Variants in CRYL1 observed in about 807,000 individuals in gnomAD.
CRYL1 encodes the protein crystallin lambda 1.
CRYL1 carries 29 observed loss-of-function variants against 36.6 expected under a neutral mutation model. The observed-to-expected ratio is 0.79, with a 90% CI of 0.59 to 1.08. The LOEUF (loss-of-function observed/expected upper bound fraction) is 1.08. Ranked by LOEUF, CRYL1 falls within the 50% of genes least tolerant of loss-of-function variation. CRYL1 has a pLI of 0.00. For synonymous variants in CRYL1, 152 were observed against 151.5 expected (o/e 1.00, Z -0.02); for missense variants, 411 against 407.9 (o/e 1.01, Z -0.06).
At chr13:20,423,561 T>G (rs2031865980) in intron 5 of CRYL1, among the ~76,000 whole-genome samples, 2 of 152,182 alleles carry the variant, frequency 1.3e-5, no homozygotes, top group Non-Finnish European at 2.9e-5. Flanking sequence ...CATATCACAT[T>G]TATAGATTTG....
chr13:20,500,031 G>A (rs2033676546), intron 2 of CRYL1, among the ~76,000 whole-genome samples: 1 of 152,196 alleles, frequency 6.6e-6, no homozygotes, highest in South Asian at 2.1e-4. Context: ...TTCGGAGATT[G>A]TGCCATTGGA....
rs774290659 is a variant in CRYL1 at position 20,432,288 on chromosome 13, C to T, written c.447G>A (p.Pro149=). The change falls in exon 5 of 8, where the codon CCG becomes CCA. Residue 149 remains proline, a synonymous_variant. Coordinates refer to ENST00000298248, the MANE Select transcript of CRYL1 (RefSeq NM_015974.3). ...GCTCAACCAGCGGGATGTAGTATGGCGGATTCACCTTAGGAGAGAGAGAGA... is the reference window on the plus strand; with the variant it reads ...GCTCAACCAGCGGGATGTAGTATGGTGGATTCACCTTAGGAGAGAGAGAGA... The part of the protein sequence containing the change: ...KQCIVAHPVN[P]PYYIPLVELV... 73 of 1,610,260 alleles carry T rather than the reference C, an allele frequency of 4.5e-5. No homozygotes were observed. The Middle Eastern group carries it at 9.9e-4, about 22-fold the overall frequency.
Position 20,525,842 on chromosome 13 carries a change from C to A in CRYL1, c.-48G>T. ...CGCGGGCGCTGGGACCAGGCGCCGG[C>A]GGAGCTGCGAGCTCTGGGCTCCGGG... On this transcript the variant is annotated 5_prime_UTR_variant, in exon 1 of 8. Transcript: ENST00000298248. This position sits in a 1 kb window ranked among gnomAD's most constrained non-coding sequence, Gnocchi z 4.3. 2 of 1,205,292 alleles carry A rather than the reference C, an allele frequency of 1.7e-6. No homozygotes were observed. The highest frequency in any genetic ancestry group is 2.1e-6 in the Non-Finnish European group (2 of 968,900). The allele number at this position is 1,205,292 out of a possible 1,614,324, so 74.7% of individuals were successfully genotyped here. A position where few individuals can be genotyped will look rare whatever the true frequency, so the allele number is the denominator to read the frequency against.
At chr13:20,521,432 C>T (rs888426805) in intron 1 of CRYL1, among the ~76,000 whole-genome samples, 28 of 152,242 alleles carry the variant, frequency 1.8e-4, no homozygotes, top group African/African-American at 5.5e-4. Flanking sequence ...GTTTCTGTTT[C>T]AGGTTTCCCT....
intron 6 of CRYL1, chr13:20,405,860 C>T (rs1328389798): frequency 4.6e-5 from 7 of 152,388 alleles, no homozygotes; most frequent in African/African-American, 1.4e-4. Flanking sequence ...ACGGCCCCCA[C>T]CCAGCACTGG....
intron 5 of CRYL1, among the ~76,000 whole-genome samples, chr13:20,424,525 C>T (rs886415427): frequency 6.6e-5 from 10 of 152,136 alleles, no homozygotes; most frequent in South Asian, 6.2e-4. Context: ...GCCAGCTGAG[C>T]GAAGGGACAA....
At chr13:20,446,150 C>A (rs965096026) in intron 3 of CRYL1, among the ~76,000 whole-genome samples, 1 of 152,268 alleles carries the variant, frequency 6.6e-6, no homozygotes, top group East Asian at 1.9e-4. Context: ...CCTGCCCTGT[C>A]GCCCAGGCTG....
At chr13:20,490,441 C>G (rs2033487811) in intron 2 of CRYL1, among the ~76,000 whole-genome samples, 1 of 151,868 alleles carries the variant, frequency 6.6e-6, no homozygotes, top group Non-Finnish European at 1.5e-5. Flanking sequence ...CTGCCAGGGG[C>G]TGGAGGTTGA....
intron 3 of CRYL1, among the ~76,000 whole-genome samples, chr13:20,462,530 T>C (rs2032851839): frequency 6.8e-6 from 1 of 148,044 alleles, no homozygotes; most frequent in African/African-American, 2.5e-5. Flanking sequence ...ACAAGCCATT[T>C]AGCAGCCTGC....
intron 6 of CRYL1, among the ~76,000 whole-genome samples, chr13:20,407,933 C>G (rs552188088): frequency 1.3e-5 from 2 of 152,236 alleles, no homozygotes; most frequent in Non-Finnish European, 2.9e-5. Context: ...AACCCCAGCC[C>G]GAGGCCACAG....
intron 1 of CRYL1, among the ~76,000 whole-genome samples, chr13:20,513,040 A>G (rs369903146): frequency 1.3e-5 from 2 of 152,348 alleles, no homozygotes; most frequent in South Asian, 2.1e-4. Context: ...GTAACAAAAT[A>G]TCACAGGTAC....
At position 20,415,824 on chromosome 13, in the gene CRYL1, T is replaced by C. The variant is rs1036213432; in HGVS notation, c.634-2437A>G. Among the ~76,000 whole-genome samples the C allele has an allele frequency of 6.6e-6, 1 of 152,228 alleles. No homozygotes were observed. The highest frequency in any genetic ancestry group is 2.4e-5 in the African/African-American group (1 of 41,464). On this transcript the variant is annotated intron_variant, in intron 5 of 7. Transcript: ENST00000298248. The surrounding 1 kb of genome is among the most constrained non-coding windows in gnomAD (Gnocchi z 4.1). The stretch of plus-strand genomic sequence containing the variant: ...GTTTGCTGCTGGCCCATTTCTAATC[T>C]TCCTGTAAGTGGAATCACTGAGCGC...
intron 3 of CRYL1, among the ~76,000 whole-genome samples, chr13:20,442,274 T>C (rs1276950521): frequency 6.6e-6 from 1 of 152,206 alleles, no homozygotes; most frequent in Non-Finnish European, 1.5e-5. Flanking sequence ...GTTACAATTA[T>C]GTAAGAGTTT....
At chr13:20,420,709 G>GTGTGTGTGT (rs2031786360) in intron 5 of CRYL1, among the ~76,000 whole-genome samples, 1 of 35,710 alleles carries the variant, frequency 2.8e-5, no homozygotes, top group Admixed American at 3.5e-4. Flanking sequence ...GGTTGTGTGT[G>GTGTGTGTGT]TGTGTGTGTG....
At chr13:20,513,582 A>T (rs923297652) in intron 1 of CRYL1, 1 of 152,248 alleles carries the variant, frequency 6.6e-6, no homozygotes, top group African/African-American at 2.4e-5. Flanking sequence ...AATTAAGTCC[A>T]CAAGGGTGAT....
chr13:20,476,954 G>A (rs1459543046), intron 3 of CRYL1: 2 of 152,364 alleles, frequency 1.3e-5, no homozygotes, highest in Non-Finnish European at 2.9e-5. Context: ...GAGGTCAGGA[G>A]ATCGAGACCA....
chr13:20,508,820 C>T (rs9579880), intron 2 of CRYL1, among the ~76,000 whole-genome samples: 1 of 122,962 alleles, frequency 8.1e-6, no homozygotes, highest in Non-Finnish European at 1.6e-5. Context: ...CTGCACTCCA[C>T]TCCGGCCTAG....
chr13:20,474,809 GACTTGCCCCAGCCTCCTTT>G lies in CRYL1; in HGVS notation c.276+14542_276+14560del, dbSNP rs1565976629. ...TGCTGGAGAAACCGTCACCTGCCTG[GACTTGCCCCAGCCTCCTTT>G]ACTTTCAGTAAAGGGAAGGAGACCA... On this transcript the variant is annotated intron_variant, in intron 3 of 7. Coordinates refer to ENST00000298248, the MANE Select transcript of CRYL1 (RefSeq NM_015974.3). Among the ~76,000 whole-genome samples, 5 of 152,202 alleles carry G rather than the reference GACTTGCCCCAGCCTCCTTT, an allele frequency of 3.3e-5. No homozygotes were observed. The South Asian group carries it at 1.0e-3, about 32-fold the overall frequency.
intron 3 of CRYL1, among the ~76,000 whole-genome samples, chr13:20,455,277 G>C (rs1447399727): frequency 1.3e-5 from 2 of 152,054 alleles, no homozygotes; most frequent in Admixed American, 6.6e-5. Flanking sequence ...TAAGTCAAAG[G>C]AGGCCTACAT....
Sources: allele counts gnomAD v4.1 joint callset (sites outside exome capture counted in the v4.1 genomes callset), GRCh38; gene constraint gnomAD v4.1.1; non-coding constraint Gnocchi (gnomAD v3.1); transcripts MANE v1.5; gene names NCBI Gene and HGNC (gene_info 2026-07-23, HGNC 2026-07-21).